The following WBP4 variants were observed in gnomAD, a reference collection of about 807,000 sequenced individuals.
The protein encoded by WBP4 is WW domain binding protein 4.
Under a neutral mutation model 55.4 loss-of-function variants are expected in WBP4, and 37 were observed. The observed-to-expected ratio is 0.67, with a 90% confidence interval of 0.51 to 0.88. The LOEUF (loss-of-function observed/expected upper bound fraction) is 0.88. Ranked by LOEUF, WBP4 falls within the 40% of genes least tolerant of loss-of-function variation. The pLI, the probability that WBP4 is intolerant of heterozygous loss-of-function variation, is 0.00. For missense variants in WBP4, 398 were observed against 420.8 expected (o/e 0.95, Z 0.47); for synonymous variants, 142 against 140.2 (o/e 1.01, Z -0.09).
chr13:41,067,364 AT>A (rs1424410759), intron 4 of WBP4, among the ~76,000 whole-genome samples: 3 of 152,194 alleles, frequency 2.0e-5, no homozygotes, highest in Non-Finnish European at 4.4e-5. Context: ...ACAACAAAAC[AT>A]TTCTTTGAAT....
At chr13:41,065,963 G>T (rs1002247915) in intron 4 of WBP4, among the ~76,000 whole-genome samples, 1 of 152,176 alleles carries the variant, frequency 6.6e-6, no homozygotes, top group African/African-American at 2.4e-5. Context: ...ACATGTGATG[G>T]TATTCCTCTA....
chr13:41,078,818 ACT>A (rs768540711), intron 8 of WBP4, among the ~76,000 whole-genome samples: 5 of 151,772 alleles, frequency 3.3e-5, no homozygotes, highest in Non-Finnish European at 5.9e-5. Flanking sequence ...CAAGAGTGAA[ACT>A]CTGTCTCAAA....
chr13:41,062,637 T>C lies in WBP4; in HGVS notation c.3-7T>C, dbSNP rs1456640558. 2 of 1,612,886 alleles carry C rather than the reference T, an allele frequency of 1.2e-6. No individual in the cohort carries two copies. Among genetic ancestry groups the C allele is most frequent in the Admixed American group, 1.7e-5 (1 of 59,776 alleles). ...ATGAGCTTAGCCTTGTTGTCTCTCT[T>C]TTTCAGGGCGGACTACTGGAAGTCA... On this transcript the variant is annotated splice_polypyrimidine_tract_variant and splice_region_variant and intron_variant, in intron 1 of 9. Transcript: ENST00000379487.
Position 41,068,727 on chromosome 13 carries a change from TATCTC to T in WBP4, c.431_435del (p.Ile144ArgfsTer9), listed in dbSNP as rs1287602667. ...AGGGTTACCATTACTATTATGATCTTATCTCAGGAGGTAAGTCATTTAGGCATAAA... is the reference window on the plus strand; with the variant it reads ...AGGGTTACCATTACTATTATGATCTTAGGAGGTAAGTCATTTAGGCATAAA... On this transcript the variant is annotated frameshift_variant, in exon 5 of 10. Transcript: ENST00000379487. LOFTEE classifies it high-confidence loss of function. The T allele has an allele frequency of 1.3e-6, 2 of 1,594,520 alleles. No homozygotes were observed. Among genetic ancestry groups the T allele is most frequent in the South Asian group, 1.1e-5 (1 of 87,092 alleles).
chr13:41,082,031 G>T (rs1229549729), intron 9 of WBP4, among the ~76,000 whole-genome samples: 1 of 152,164 alleles, frequency 6.6e-6, no homozygotes, highest in East Asian at 1.9e-4. Context: ...ACGGTACTGT[G>T]ATAGGCTCTT....
chr13:41,062,481 A>G (rs1037471321), intron 1 of WBP4, among the ~76,000 whole-genome samples, 163 bp from the exon 2 acceptor site: 2 of 151,872 alleles, frequency 1.3e-5, no homozygotes, highest in African/African-American at 2.4e-5. Context: ...CAGAATTTCA[A>G]TTGACTGTGC....
At chr13:41,068,355 TG>T (rs1878070624) in intron 4 of WBP4, among the ~76,000 whole-genome samples, 1 of 152,204 alleles carries the variant, frequency 6.6e-6, no homozygotes, top group Non-Finnish European at 1.5e-5. Flanking sequence ...TTTTAACACC[TG>T]GTAGAACTAA....
At chr13:41,073,732 A>C (rs923788164) in intron 7 of WBP4, among the ~76,000 whole-genome samples, 3 of 151,684 alleles carry the variant, frequency 2.0e-5, no homozygotes, top group African/African-American at 7.3e-5. Flanking sequence ...ACTTGAACCC[A>C]GGAGGTAGAG....
intron 1 of WBP4, 151 bp downstream of exon 1, chr13:41,061,826 G>C: frequency 7.4e-7 from 1 of 1,348,014 alleles, no homozygotes; most frequent in East Asian, 2.4e-5. Flanking sequence ...CAGACCTGCA[G>C]GGCCGGTTCT....
At chr13:41,077,022 A>G (rs111538493) in intron 8 of WBP4, among the ~76,000 whole-genome samples, 17 of 152,336 alleles carry the variant, frequency 1.1e-4, no homozygotes, top group African/African-American at 4.1e-4. Flanking sequence ...ACAACAACAA[A>G]AAAATACAGG....
In WBP4 at chr13:41,080,255, G is replaced by A. The variant is rs138252656; in HGVS notation, c.757-391G>A. On this transcript the variant is annotated intron_variant, in intron 8 of 9. Coordinates refer to ENST00000379487, the MANE Select transcript of WBP4 (RefSeq NM_007187.5). ...AAAGGAAAAAAATTACAAAATACAG[G>A]TAAACAAGGACAAACTCCCTATAAT... Among the ~76,000 whole-genome samples, 55 of 152,162 alleles carry A rather than the reference G, an allele frequency of 3.6e-4. 3 individuals are homozygous for A. In the East Asian group the frequency reaches 0.01, roughly 28 times the overall value.
rs375987983 is a variant in WBP4 at position 41,082,674 on chromosome 13, A to G, written c.921-30A>G. 6 of 1,608,128 alleles carry G rather than the reference A, an allele frequency of 3.7e-6. No individual in the cohort carries two copies. In the African/African-American group the frequency reaches 6.7e-5, roughly 18 times the overall value. ...TGAAAACGTTTGTCTTACCCTGTCA[A>G]ATAGAGTTTTACTTTAACTCTATTT... On this transcript the variant is annotated intron_variant, in intron 9 of 9. Coordinates refer to ENST00000379487, the MANE Select transcript of WBP4 (RefSeq NM_007187.5).
In WBP4 at chr13:41,062,703, C is replaced by T; in HGVS notation, c.62C>T (p.Ala21Val). The change falls in exon 2 of 10, where the codon GCA (alanine) becomes GTA (valine). Residue 21 changes from alanine to valine, a missense_variant. Physicochemically the swap from Ala to Val is moderately conservative, Grantham distance 64 (BLOSUM62 0). Coordinates refer to ENST00000379487, the MANE Select transcript of WBP4 (RefSeq NM_007187.5). ...KFCDYCKCWI[A>V]DNRPSVEFHE... The stretch of plus-strand genomic sequence containing the variant: ...TGTGATTACTGCAAGTGCTGGATAG[C>T]AGACAATAGGCCTGTATGATAATTC... 6.2e-7 allele frequency: 1 copy of T among 1,613,356 alleles called. No homozygotes were observed. Among genetic ancestry groups the T allele is most frequent in the African/African-American group, 1.3e-5 (1 of 75,036 alleles).
intron 2 of WBP4, among the ~76,000 whole-genome samples, chr13:41,063,251 A>C (rs1877786972): frequency 6.6e-6 from 1 of 152,154 alleles, no homozygotes; most frequent in Non-Finnish European, 1.5e-5. Flanking sequence ...TGAAGATGTA[A>C]AGCAAAAAGC....
At chr13:41,062,357 G>A (rs1877720947) in intron 1 of WBP4, 1 of 906,302 alleles carries the variant, frequency 1.1e-6, no homozygotes, top group Non-Finnish European at 1.3e-6. Flanking sequence ...CTTCTAAGAT[G>A]TTCCTTAGTT....
rs751110796 is a variant in WBP4, at chr13:41,076,051, A to C, written c.570A>C (p.Arg190Ser). ...TTAAAATGTGTTGAGCAGAATCCAG[A>C]TGGGAGAAACCTGATGATTTCATTC... ...YYYNTETGES[R>S]WEKPDDFIPH... Residue 190 changes from arginine (R) to serine (S), a missense_variant, in exon 8 of 10, where the codon AGA (arginine) becomes AGC (serine). Transcript: ENST00000379487. 11 of 1,611,974 alleles carry C rather than the reference A, an allele frequency of 6.8e-6. No individual in the cohort carries two copies. The highest frequency in any genetic ancestry group is 9.3e-6 in the Non-Finnish European group (11 of 1,179,568).
chr13:41,079,010 G>A (rs1216578573), intron 8 of WBP4, among the ~76,000 whole-genome samples: 1 of 152,100 alleles, frequency 6.6e-6, no homozygotes, highest in Non-Finnish European at 1.5e-5. Flanking sequence ...ACAATTAACA[G>A]GGTAAATAAA....
chr13:41,072,708 GCTGA>G, intron 6 of WBP4, 70 bp from the exon 7 acceptor site: 1 of 1,356,512 alleles, frequency 7.4e-7, no homozygotes, highest in Non-Finnish European at 1.0e-6. Context: ...GGCAAGGGTG[GCTGA>G]CTGTCTGAGT....
chr13:41,072,370 C>G (rs1200860532), intron 6 of WBP4, among the ~76,000 whole-genome samples: 2 of 152,156 alleles, frequency 1.3e-5, no homozygotes, highest in African/African-American at 4.8e-5. Context: ...GCAGGCTGTA[C>G]AGGAAGCATG....
Sources: gnomAD v4.1 joint callset for allele counts (sites outside exome capture counted in the v4.1 genomes callset) on GRCh38, gnomAD v4.1.1 for gene constraint, MANE v1.5 for transcripts, NCBI Gene and HGNC (gene_info 2026-07-23, HGNC 2026-07-21) for gene names.